Variants in ELOVL7 observed in about 807,000 individuals in gnomAD.
The protein encoded by ELOVL7 is very long chain fatty acid elongase 7.
A neutral mutation model predicts 35.7 loss-of-function variants in ELOVL7; 27 were observed. That is an observed-to-expected ratio of 0.76 (90% CI 0.56 to 1.04). ELOVL7 has a LOEUF of 1.04. Among genes scored for constraint, ELOVL7 ranks in the 50% least tolerant of loss-of-function variants. ELOVL7 has a pLI of 0.00. For missense variants in ELOVL7, 327 were observed against 340.8 expected, an observed-to-expected ratio of 0.96 and a Z score of 0.32; for synonymous variants, 113 against 114.6, an observed-to-expected ratio of 0.99 and a Z score of 0.09.
intron 1 of ELOVL7, among the ~76,000 whole-genome samples, chr5:60,811,945 G>C (rs929615493): frequency 7.9e-5 from 12 of 152,186 alleles, no homozygotes; most frequent in Non-Finnish European, 1.6e-4. Flanking sequence ...TCCAGGTACA[G>C]TCACTCAGAC....
At chr5:60,807,960 C>T (rs1362990300) in intron 1 of ELOVL7, among the ~76,000 whole-genome samples, 2 of 118,202 alleles carry the variant, frequency 1.7e-5, no homozygotes, top group East Asian at 5.9e-4. Context: ...GATCATGCCA[C>T]TGCACTCCAG....
chr5:60,817,670 A>ACACACAC (rs199511272), intron 1 of ELOVL7, among the ~76,000 whole-genome samples: 3 of 82,290 alleles, frequency 3.6e-5, no homozygotes, highest in Non-Finnish European at 8.6e-5. Flanking sequence ...ACATATATAC[A>ACACACAC]CATATATACA....
At chr5:60,758,243 T>C (rs1741667064) in intron 7 of ELOVL7, among the ~76,000 whole-genome samples, 6 of 152,232 alleles carry the variant, frequency 3.9e-5, no homozygotes, top group Admixed American at 3.9e-4. Context: ...CTGGTACATA[T>C]ATTGGTAGTT....
chr5:60,758,129 C>T (rs1430719069), intron 7 of ELOVL7, among the ~76,000 whole-genome samples: 2 of 152,142 alleles, frequency 1.3e-5, no homozygotes, highest in East Asian at 3.9e-4. Context: ...AAGAATATAC[C>T]CCTCCCAAGG....
At chr5:60,831,743 C>T (rs965906357) in intron 1 of ELOVL7, among the ~76,000 whole-genome samples, 1 of 152,162 alleles carries the variant, frequency 6.6e-6, no homozygotes, top group African/African-American at 2.4e-5. Context: ...ATTCCTTTTG[C>T]ACTTTACTTC....
intron 3 of ELOVL7, among the ~76,000 whole-genome samples, chr5:60,781,273 C>T (rs1267339511): frequency 6.6e-6 from 1 of 151,414 alleles, no homozygotes; most frequent in Non-Finnish European, 1.5e-5. Flanking sequence ...AAGGATGTTA[C>T]ATCACCACCT....
chr5:60,833,456 T>C (rs1579941204), intron 1 of ELOVL7, among the ~76,000 whole-genome samples: 2 of 152,262 alleles, frequency 1.3e-5, no homozygotes, highest in South Asian at 2.1e-4. Flanking sequence ...ACAGAGGTAG[T>C]AGACTCTTCA....
intron 4 of ELOVL7, chr5:60,768,701 A>G (rs1415646713): frequency 2.2e-6 from 1 of 456,182 alleles, no homozygotes; most frequent in Middle Eastern, 3.3e-4. Flanking sequence ...CTGAAAAGGA[A>G]AAGCCAAGGG....
chr5:60,820,787 A>C (rs1022100032), intron 1 of ELOVL7, among the ~76,000 whole-genome samples: 8 of 152,130 alleles, frequency 5.3e-5, no homozygotes, highest in African/African-American at 1.9e-4. Flanking sequence ...TGCCATCTTT[A>C]TGATATTTCT....
chr5:60,770,247 A>C (rs1742500094), intron 4 of ELOVL7, among the ~76,000 whole-genome samples: 1 of 152,164 alleles, frequency 6.6e-6, no homozygotes, highest in Admixed American at 6.5e-5. Flanking sequence ...ACTGGCGATG[A>C]CTGGATTCTT....
chr5:60,781,079 G>A (rs1165550109), intron 3 of ELOVL7, among the ~76,000 whole-genome samples: 3 of 151,902 alleles, frequency 2.0e-5, no homozygotes, highest in East Asian at 1.9e-4. Context: ...GCATAGTGGC[G>A]CACGCCTGTA....
chr5:60,783,842 C>T (rs947964026), intron 3 of ELOVL7, among the ~76,000 whole-genome samples: 1 of 152,114 alleles, frequency 6.6e-6, no homozygotes, highest in African/African-American at 2.4e-5. Flanking sequence ...TAGGGTTAGG[C>T]ATGAGGTGCT....
intron 1 of ELOVL7, among the ~76,000 whole-genome samples, chr5:60,825,452 A>G (rs371879424): frequency 1.3e-5 from 2 of 152,136 alleles, no homozygotes; most frequent in African/African-American, 4.8e-5. Flanking sequence ...TATTTCACCA[A>G]TATTCTAAAT....
chr5:60,801,245 G>A (rs911197144), intron 1 of ELOVL7, among the ~76,000 whole-genome samples: 13 of 152,078 alleles, frequency 8.5e-5, no homozygotes, highest in African/African-American at 2.4e-4. Context: ...GAGGAATCTC[G>A]GATTTTGGTA....
chr5:60,840,343 C>T (rs1025872009), intron 1 of ELOVL7, among the ~76,000 whole-genome samples: 16 of 152,076 alleles, frequency 1.1e-4, no homozygotes, highest in Admixed American at 6.5e-5. Context: ...TATGTGAAGA[C>T]ACAGACACAA....
At chr5:60,833,710 C>T (rs553160074) in intron 1 of ELOVL7, among the ~76,000 whole-genome samples, 213 of 152,212 alleles carry the variant, frequency 1.4e-3, no homozygotes, top group Non-Finnish European at 2.5e-3. Context: ...AATCATGTGA[C>T]CTTGGGCAAG....
intron 1 of ELOVL7, among the ~76,000 whole-genome samples, chr5:60,837,315 T>TGG (rs1227317155): frequency 0.063 from 1,544 of 24,446 alleles, 164 homozygotes; most frequent in African/African-American, 0.2. Flanking sequence ...GGCGGGGGGG[T>TGG]GGGGGGGGAG....
At chr5:60,820,482 A>G (rs1035389527) in intron 1 of ELOVL7, among the ~76,000 whole-genome samples, 8 of 152,364 alleles carry the variant, frequency 5.3e-5, no homozygotes, top group Non-Finnish European at 8.8e-5. Flanking sequence ...CCTGTTCCAC[A>G]TGCCAGGCCC....
intron 1 of ELOVL7, among the ~76,000 whole-genome samples, chr5:60,825,788 G>C (rs1429671233): frequency 2.0e-5 from 3 of 152,226 alleles, no homozygotes; most frequent in Non-Finnish European, 4.4e-5. Context: ...ATGGTTAATA[G>C]TAACAGGAGC....
Sources: gnomAD v4.1 joint callset for allele counts (sites outside exome capture counted in the v4.1 genomes callset) on GRCh38, gnomAD v4.1.1 for gene constraint, MANE v1.5 for transcripts, NCBI Gene and HGNC (gene_info 2026-07-23, HGNC 2026-07-21) for gene names.